Variants in TMEM51 observed in about 807,000 individuals in gnomAD.
The protein encoded by TMEM51 is transmembrane protein 51, also known as chromosome 1 open reading frame 72.
Under a neutral mutation model 13.6 loss-of-function variants are expected in TMEM51, and 8 were observed. The ratio of observed to expected loss-of-function variants is 0.59; its 90% CI spans 0.35 to 1.07. The LOEUF (loss-of-function observed/expected upper bound fraction) is 1.07. Ranked by LOEUF, TMEM51 falls within the 50% of genes least tolerant of loss-of-function variation. TMEM51 has a pLI of 0.02. For missense variants in TMEM51, 279 were observed against 330.7 expected, an observed-to-expected ratio of 0.84 and a Z score of 1.21; for synonymous variants, 147 against 144.4, an observed-to-expected ratio of 1.02 and a Z score of -0.13.
At chr1:15,184,295 G>T (rs1166434962) in intron 1 of TMEM51, among the ~76,000 whole-genome samples, 1 of 152,158 alleles carries the variant, frequency 6.6e-6, no homozygotes, top group Non-Finnish European at 1.5e-5. Flanking sequence ...AAAATTCTGG[G>T]ATTACAGGTG....
chr1:15,207,000 T>C (rs1245390119), intron 1 of TMEM51, among the ~76,000 whole-genome samples: 1 of 152,190 alleles, frequency 6.6e-6, no homozygotes, highest in Non-Finnish European at 1.5e-5. Flanking sequence ...GCACCTTTTT[T>C]CCTACCCCCA....
intron 1 of TMEM51, among the ~76,000 whole-genome samples, chr1:15,183,320 T>C (rs1441209217): frequency 6.6e-6 from 1 of 152,208 alleles, no homozygotes; most frequent in Non-Finnish European, 1.5e-5. Flanking sequence ...ATATGCTACT[T>C]GATTTACAAA....
chr1:15,191,786 G>A, intron 1 of TMEM51: 1 of 326,072 alleles, frequency 3.1e-6, no homozygotes, highest in Non-Finnish European at 6.2e-6. Flanking sequence ...ATTTCCAGCT[G>A]TTGAGACAAT....
chr1:15,162,778 A>C (rs1352583185), intron 1 of TMEM51, among the ~76,000 whole-genome samples: 1 of 152,046 alleles, frequency 6.6e-6, no homozygotes, highest in Non-Finnish European at 1.5e-5. Flanking sequence ...AAAGACAGAT[A>C]CTATATGATT....
chr1:15,170,438 A>G (rs1262871622), intron 1 of TMEM51, among the ~76,000 whole-genome samples: 1 of 150,254 alleles, frequency 6.7e-6, no homozygotes, highest in Non-Finnish European at 1.5e-5. Context: ...CCTCCTGAGT[A>G]GCTGGGATTA....
At chr1:15,213,968 A>T (rs890459771) in intron 2 of TMEM51, among the ~76,000 whole-genome samples, 4 of 151,264 alleles carry the variant, frequency 2.6e-5, no homozygotes, top group Admixed American at 1.3e-4. Context: ...CAGCCTCCCA[A>T]ATAGTTGGGA....
chr1:15,189,376 T>C (rs1330306091), intron 1 of TMEM51, among the ~76,000 whole-genome samples: 1 of 152,098 alleles, frequency 6.6e-6, no homozygotes, highest in African/African-American at 2.4e-5. Context: ...CTATTGTTAT[T>C]GTGCTGGTTG....
At chr1:15,197,644 G>A (rs551952326) in intron 1 of TMEM51, among the ~76,000 whole-genome samples, 6 of 145,282 alleles carry the variant, frequency 4.1e-5, no homozygotes, top group South Asian at 2.3e-4. Flanking sequence ...CCAGTGCTCC[G>A]ATTATGGGCA....
At chr1:15,153,391 A>G (rs542072114), upstream of TMEM51, among the ~76,000 whole-genome samples, 17 of 152,190 alleles carry the variant, frequency 1.1e-4, no homozygotes, top group South Asian at 1.0e-3. Context: ...ACCACCCGTC[A>G]CACACACGCG....
intron 1 of TMEM51, among the ~76,000 whole-genome samples, chr1:15,184,219 G>T (rs1000205154): frequency 5.9e-5 from 9 of 152,182 alleles, no homozygotes; most frequent in Non-Finnish European, 1.3e-4. Flanking sequence ...TAGAGACGGG[G>T]TTTCACCATG....
At chr1:15,211,766 A>C (rs1271168658) in intron 2 of TMEM51, among the ~76,000 whole-genome samples, 9 of 147,212 alleles carry the variant, frequency 6.1e-5, no homozygotes, top group African/African-American at 2.3e-4. Flanking sequence ...TAAAGGGTAC[A>C]CTTTCCGAGT....
At chr1:15,158,511 A>G (rs1198647325) in intron 1 of TMEM51, among the ~76,000 whole-genome samples, 4 of 152,086 alleles carry the variant, frequency 2.6e-5, no homozygotes, top group African/African-American at 9.7e-5. Context: ...CCTTGCCCCA[A>G]ATCTCCCTGG....
intron 1 of TMEM51, among the ~76,000 whole-genome samples, chr1:15,194,883 T>C (rs536634744): frequency 2.2e-3 from 324 of 150,672 alleles, no homozygotes; most frequent in African/African-American, 5.6e-3. Flanking sequence ...CACTATCCAA[T>C]GGAAAGAGAA....
In TMEM51 at chr1:15,207,215, C is replaced by T. The variant is rs1312497636; in HGVS notation, c.-266-3275C>T. ...CCTCTGTCATGGGGGTTGGTAGCAC[C>T]GCCAGCCGCCTCCGACTGGCAAGAC... On this transcript the variant is annotated intron_variant, in intron 1 of 3. Transcript: ENST00000376008. This position sits in a 1 kb window ranked among gnomAD's most constrained non-coding sequence, Gnocchi z 4.6. Among the ~76,000 whole-genome samples, 10 of 152,132 alleles carry T rather than the reference C, an allele frequency of 6.6e-5. No homozygotes were observed. Among genetic ancestry groups the T allele is most frequent in the Admixed American group, 2.0e-4 (3 of 15,276 alleles).
chr1:15,153,229 AGG>A (rs1381335745), upstream of TMEM51, among the ~76,000 whole-genome samples: 1 of 9,392 alleles, frequency 1.1e-4, no homozygotes, highest in African/African-American at 2.0e-4. Flanking sequence ...CTCCCCAGGA[AGG>A]AGGAGAGGTG....
chr1:15,192,050 G>T, intron 1 of TMEM51: 1 of 526,728 alleles, frequency 1.9e-6, no homozygotes, highest in South Asian at 1.4e-5. Context: ...ATGTTGTCAT[G>T]ATGAGGATTA....
chr1:15,206,839 C>T (rs1199390246), intron 1 of TMEM51, among the ~76,000 whole-genome samples: 4 of 152,200 alleles, frequency 2.6e-5, no homozygotes, highest in African/African-American at 9.7e-5. Context: ...GCCTCTATGC[C>T]TCATTTGCAC....
intron 1 of TMEM51, among the ~76,000 whole-genome samples, chr1:15,190,472 C>A (rs917726601): frequency 6.6e-6 from 1 of 152,182 alleles, no homozygotes. Context: ...AAGAGCCCTG[C>A]TGCCAGATAC....
intron 1 of TMEM51, among the ~76,000 whole-genome samples, chr1:15,200,932 A>T (rs1297683342): frequency 6.6e-6 from 1 of 151,924 alleles, no homozygotes; most frequent in Non-Finnish European, 1.5e-5. Flanking sequence ...CACAGGGAGG[A>T]TCTCTTCGTG....
Sources: allele counts gnomAD v4.1 joint callset (sites outside exome capture counted in the v4.1 genomes callset), GRCh38; gene constraint gnomAD v4.1.1; non-coding constraint Gnocchi (gnomAD v3.1); transcripts MANE v1.5; gene names NCBI Gene and HGNC (gene_info 2026-07-23, HGNC 2026-07-21).